OR1J2: variants seen among roughly 807,000 people sequenced by gnomAD.
The protein encoded by OR1J2 is olfactory receptor 1J2.
For synonymous variants in OR1J2, 142 were observed against 99.7 expected (o/e 1.42, Z -2.52); for missense variants, 304 against 246.1 (o/e 1.24, Z -1.57).
At chr9:122,516,040 T>G (rs1158995881), downstream of OR1J2, among the ~76,000 whole-genome samples, 1 of 152,090 alleles carries the variant, frequency 6.6e-6, no homozygotes, top group Non-Finnish European at 1.5e-5. Flanking sequence ...AGACCTTACC[T>G]TATTTAATTT....
At chr9:122,568,382 G>C in the OR1J2 span, 2 of 1,613,762 alleles carry the variant, frequency 1.2e-6, no homozygotes, top group East Asian at 2.2e-5. Flanking sequence ...ACACGATGAG[G>C]AAGAGAACAA....
At chr9:122,492,651 A>G in the OR1J2 span, among the ~76,000 whole-genome samples, 1 of 152,020 alleles carries the variant, frequency 6.6e-6, no homozygotes, top group Non-Finnish European at 1.5e-5. Context: ...CTGCAGCCTC[A>G]CCGACATTTA....
Position 122,511,005 on chromosome 9 carries a change from C to T in OR1J2, c.204C>T (p.Leu68=), listed in dbSNP as rs1828622917. 6.2e-7 allele frequency: 1 copy of T among 1,604,042 alleles called. No individual in the cohort carries two copies. The highest frequency in any genetic ancestry group is 1.3e-5 in the African/African-American group (1 of 74,780). Residue 68 remains leucine, a synonymous_variant, in exon 1 of 1, where the codon CTC becomes CTT. Coordinates refer to ENST00000335302, the MANE Select transcript of OR1J2 (RefSeq NM_054107.1). ...PMYFFLSHLA[L]TDISFSSVTV... ...ACTTCTTCCTCAGCCACTTGGCTCT[C>T]ACTGACATCTCCTTTTCATCTGTCA... is the stretch of plus-strand genomic sequence containing the variant.
chr9:122,565,865 C>A, the OR1J2 span, among the ~76,000 whole-genome samples: 1 of 152,042 alleles, frequency 6.6e-6, no homozygotes, highest in Non-Finnish European at 1.5e-5. Context: ...ATGTTGACAC[C>A]CATGAGAATA....
the OR1J2 span, among the ~76,000 whole-genome samples, chr9:122,544,171 T>G: frequency 1.3e-5 from 2 of 151,964 alleles, no homozygotes; most frequent in Non-Finnish European, 2.9e-5. Context: ...AAAATTTTAC[T>G]TAGATTAAAA....
chr9:122,484,050 CA>C, the OR1J2 span, among the ~76,000 whole-genome samples: 1 of 150,716 alleles, frequency 6.6e-6, no homozygotes, highest in Admixed American at 6.6e-5. Context: ...ATGAAGTAAT[CA>C]ATATTAGGAG....
chr9:122,552,749 A>AGAGTGT, the OR1J2 span, among the ~76,000 whole-genome samples: 1 of 129,758 alleles, frequency 7.7e-6, no homozygotes, highest in Admixed American at 7.7e-5. Context: ...AGAGGGCTTG[A>AGAGTGT]GTGTGTGTGT....
chr9:122,466,530 C>G, the OR1J2 span, among the ~76,000 whole-genome samples: 1 of 152,218 alleles, frequency 6.6e-6, no homozygotes, highest in Non-Finnish European at 1.5e-5. Flanking sequence ...ATCACCTTGC[C>G]TGCACCCCTG....
chr9:122,517,469 G>T, the OR1J2 span, among the ~76,000 whole-genome samples: 2 of 152,160 alleles, frequency 1.3e-5, no homozygotes, highest in African/African-American at 4.8e-5. Flanking sequence ...GCTTAAAGAA[G>T]CAAAGAATTT....
the OR1J2 span, among the ~76,000 whole-genome samples, chr9:122,501,556 A>G: frequency 1.6e-4 from 25 of 152,330 alleles, no homozygotes; most frequent in Admixed American, 1.4e-3. Flanking sequence ...TTACTGCTAT[A>G]TGAGGCCTTA....
the OR1J2 span, among the ~76,000 whole-genome samples, chr9:122,494,458 G>GC: frequency 6.6e-6 from 1 of 151,902 alleles, no homozygotes; most frequent in African/African-American, 2.4e-5. Flanking sequence ...TTTTTTAACT[G>GC]CTGTTTCTTT....
the OR1J2 span, among the ~76,000 whole-genome samples, chr9:122,455,097 C>T: frequency 1.3e-5 from 2 of 152,200 alleles, no homozygotes; most frequent in Non-Finnish European, 2.9e-5. Context: ...GAAGATGCCA[C>T]ATTTTGTTTA....
At chr9:122,541,391 G>GAGATGAT in the OR1J2 span, among the ~76,000 whole-genome samples, 1 of 152,134 alleles carries the variant, frequency 6.6e-6, no homozygotes, top group African/African-American at 2.4e-5. Context: ...TAAGAAGAAA[G>GAGATGAT]AGATGATAGC....
At chr9:122,577,610 T>TC in the OR1J2 span, among the ~76,000 whole-genome samples, 1 of 152,208 alleles carries the variant, frequency 6.6e-6, no homozygotes, top group African/African-American at 2.4e-5. Context: ...TACCATTTTT[T>TC]CACCAATCAT....
chr9:122,567,393 G>A, the OR1J2 span: 1 of 542,744 alleles, frequency 1.8e-6, no homozygotes, highest in Non-Finnish European at 3.2e-6. Flanking sequence ...CGAATTGTTG[G>A]GTCATCATCA....
the OR1J2 span, chr9:122,477,964 GA>G: frequency 4.3e-6 from 6 of 1,405,484 alleles, no homozygotes; most frequent in South Asian, 2.7e-5. Context: ...AAATTTGAAG[GA>G]AAAAAATGGT....
At chr9:122,475,573 T>A in the OR1J2 span, 3 of 152,202 alleles carry the variant, frequency 2.0e-5, no homozygotes, top group South Asian at 6.2e-4. Flanking sequence ...TCTCAGCTCT[T>A]TTTAGATCCA....
At chr9:122,555,675 C>A in the OR1J2 span, among the ~76,000 whole-genome samples, 1 of 152,158 alleles carries the variant, frequency 6.6e-6, no homozygotes, top group African/African-American at 2.4e-5. Context: ...ATTTGTAGGG[C>A]AGGCTGGAAA....
At chr9:122,476,354 G>T in the OR1J2 span, among the ~76,000 whole-genome samples, 9 of 152,196 alleles carry the variant, frequency 5.9e-5, no homozygotes, top group African/African-American at 2.2e-4. Context: ...GGTGTGAAGG[G>T]CCAGACACAT....
Sources: gnomAD v4.1 joint callset for allele counts (sites outside exome capture counted in the v4.1 genomes callset) on GRCh38, gnomAD v4.1.1 for gene constraint, MANE v1.5 for transcripts, NCBI Gene and HGNC (gene_info 2026-07-23, HGNC 2026-07-21) for gene names.